The following EIF2B3 variants were observed in gnomAD, a reference collection of about 807,000 sequenced individuals.
The protein encoded by EIF2B3 is translation initiation factor eIF2B subunit gamma.
EIF2B3 carries 20 observed loss-of-function variants against 54.1 expected under a neutral mutation model. The ratio of observed to expected loss-of-function variants is 0.37; its 90% CI spans 0.26 to 0.54. EIF2B3 has a LOEUF of 0.54. Ranked by LOEUF, EIF2B3 falls within the 20% of genes least tolerant of loss-of-function variation. EIF2B3 has a pLI of 0.86. For missense variants in EIF2B3, 448 were observed against 547.8 expected (o/e 0.82, Z 1.82); for synonymous variants, 153 against 188.1 (o/e 0.81, Z 1.52).
intron 6 of EIF2B3, among the ~76,000 whole-genome samples, chr1:44,896,919 T>C (rs563107549): frequency 1.8e-4 from 27 of 152,356 alleles, no homozygotes; most frequent in African/African-American, 6.5e-4. Flanking sequence ...GGAAACTTGC[T>C]CTCCTTTTTC....
chr1:44,858,020 G>A (rs1362888589), intron 10 of EIF2B3, among the ~76,000 whole-genome samples: 1 of 151,024 alleles, frequency 6.6e-6, no homozygotes, highest in Admixed American at 6.6e-5. Context: ...TGCTCATAAC[G>A]ATCTTTCTCT....
intron 6 of EIF2B3, among the ~76,000 whole-genome samples, chr1:44,888,991 T>C (rs1444609523): frequency 6.6e-6 from 1 of 152,258 alleles, no homozygotes; most frequent in Non-Finnish European, 1.5e-5. Context: ...ACCAGTGCTG[T>C]AGCTCAGCAG....
intron 3 of EIF2B3, among the ~76,000 whole-genome samples, chr1:44,970,312 A>G (rs1644387146): frequency 6.6e-6 from 1 of 152,240 alleles, no homozygotes; most frequent in African/African-American, 2.4e-5. Flanking sequence ...TTTTAACAAA[A>G]AAAAGCCAAA....
chr1:44,899,394 A>G (rs1234513957), intron 5 of EIF2B3, among the ~76,000 whole-genome samples: 1 of 152,180 alleles, frequency 6.6e-6, no homozygotes, highest in Non-Finnish European at 1.5e-5. Flanking sequence ...TAAACAGACA[A>G]CCTACAGAAA....
At chr1:44,886,795 A>G (rs1655601234) in intron 6 of EIF2B3, among the ~76,000 whole-genome samples, 1 of 152,152 alleles carries the variant, frequency 6.6e-6, no homozygotes, top group African/African-American at 2.4e-5. Flanking sequence ...TTTTGTCTAA[A>G]AATTGTCAAA....
intron 1 of EIF2B3, among the ~76,000 whole-genome samples, chr1:44,985,597 C>CA (rs1644565873): frequency 2.0e-5 from 3 of 152,164 alleles, no homozygotes; most frequent in Non-Finnish European, 4.4e-5. Context: ...GAGTCAAACT[C>CA]AAACATGTGC....
At chr1:44,962,164 C>T (rs1644291162) in intron 3 of EIF2B3, among the ~76,000 whole-genome samples, 1 of 151,912 alleles carries the variant, frequency 6.6e-6, no homozygotes, top group East Asian at 1.9e-4. Flanking sequence ...TGCACTCCAG[C>T]CTGGGTGACA....
intron 5 of EIF2B3, among the ~76,000 whole-genome samples, chr1:44,905,762 T>C (rs76153941): frequency 0.036 from 5,522 of 152,282 alleles, 136 homozygotes; most frequent in Middle Eastern, 0.082. Context: ...AATACCTTCA[T>C]AACAACACCT....
At chr1:44,884,976 G>T (rs1458627210) in intron 6 of EIF2B3, among the ~76,000 whole-genome samples, 1 of 152,176 alleles carries the variant, frequency 6.6e-6, no homozygotes, top group African/African-American at 2.4e-5. Context: ...GAAACATAAT[G>T]AAGGAAACAA....
chr1:44,920,215 A>G (rs1306021262), intron 5 of EIF2B3, among the ~76,000 whole-genome samples: 1 of 151,766 alleles, frequency 6.6e-6, no homozygotes, highest in Non-Finnish European at 1.5e-5. Flanking sequence ...TATAAACTCT[A>G]GCAGCTTTCC....
At chr1:44,886,634 T>C (rs916797735) in intron 6 of EIF2B3, among the ~76,000 whole-genome samples, 5 of 152,232 alleles carry the variant, frequency 3.3e-5, no homozygotes, top group Non-Finnish European at 7.3e-5. Context: ...CCTGTACTAA[T>C]AGCTGAGAAT....
intron 3 of EIF2B3, among the ~76,000 whole-genome samples, chr1:44,942,402 TATATATATATATA>T (rs1644038322): frequency 4.8e-5 from 1 of 20,930 alleles, no homozygotes; most frequent in Non-Finnish European, 9.0e-5. Context: ...TATATATATA[TATATATATATATA>T]TATTTTTTTT....
At chr1:44,968,828 C>T (rs1019218420) in intron 3 of EIF2B3, among the ~76,000 whole-genome samples, 15 of 150,116 alleles carry the variant, frequency 1.0e-4, no homozygotes, top group Admixed American at 2.0e-4. Flanking sequence ...ACCTGGGAGG[C>T]GGAGGTTGCA....
At chr1:44,922,746 C>T (rs907585233) in intron 5 of EIF2B3, among the ~76,000 whole-genome samples, 1 of 150,404 alleles carries the variant, frequency 6.6e-6, no homozygotes. Flanking sequence ...ATTGTAGAGA[C>T]CTTTTGCTTC....
chr1:44,956,810 C>T (rs542737446), intron 3 of EIF2B3, among the ~76,000 whole-genome samples: 3 of 152,228 alleles, frequency 2.0e-5, no homozygotes, highest in African/African-American at 4.8e-5. Context: ...ACAAGACAAA[C>T]ATCAAATGGA....
At chr1:44,983,055 C>CCACT (rs1432900209) in intron 1 of EIF2B3, among the ~76,000 whole-genome samples, 1 of 152,174 alleles carries the variant, frequency 6.6e-6, no homozygotes, top group Non-Finnish European at 1.5e-5. Context: ...CAGGTATGAG[C>CCACT]CACTGCACCT....
chr1:44,927,584 A>G (rs899570317), intron 4 of EIF2B3, among the ~76,000 whole-genome samples: 1 of 152,342 alleles, frequency 6.6e-6, no homozygotes, highest in East Asian at 1.9e-4. Context: ...CCTATAGCAC[A>G]TGCCATGGTG....
At chr1:44,880,896 G>A (rs2148905360) in intron 7 of EIF2B3, among the ~76,000 whole-genome samples, 1 of 152,146 alleles carries the variant, frequency 6.6e-6, no homozygotes, top group South Asian at 2.1e-4. Flanking sequence ...GGGAGGCGGA[G>A]CTTGCAGTGA....
chr1:44,967,769 C>T (rs1644358685), intron 3 of EIF2B3, among the ~76,000 whole-genome samples: 3 of 133,460 alleles, frequency 2.2e-5, no homozygotes, highest in Admixed American at 7.8e-5. Flanking sequence ...AGGCCAGGCA[C>T]GGTGTCACGC....
Sources: allele counts gnomAD v4.1 joint callset (sites outside exome capture counted in the v4.1 genomes callset), GRCh38; gene constraint gnomAD v4.1.1; transcripts MANE v1.5; gene names NCBI Gene and HGNC (gene_info 2026-07-23, HGNC 2026-07-21).